FUS: variants seen among roughly 807,000 people sequenced by gnomAD.
The protein encoded by FUS is FUS RNA binding protein.
In FUS, 5 loss-of-function variants were observed where a neutral mutation model predicts 82.7. The ratio of observed to expected loss-of-function variants is 0.06; its 90% confidence interval spans 0.03 to 0.13. FUS has a LOEUF of 0.13. Among genes scored for constraint, FUS ranks in the 10% least tolerant of loss-of-function variants. FUS has a pLI of 1.00. For synonymous variants in FUS, 281 were observed against 247.4 expected (o/e 1.14, Z -1.27); for missense variants, 512 against 707.8 (o/e 0.72, Z 3.14).
chr16:31,180,309 G>A (rs2058036721), intron 1 of FUS, 82 bp downstream of exon 1: 4 of 1,525,140 alleles, frequency 2.6e-6, no homozygotes, highest in African/African-American at 2.7e-5. Flanking sequence ...GTGGGACCGG[G>A]GCGGCGATCC....
At chr16:31,191,157 C>G (rs756954417) in intron 14 of FUS, 47 bp downstream of exon 14, 25 of 1,603,936 alleles carry the variant, frequency 1.6e-5, no homozygotes, top group Non-Finnish European at 2.0e-5. Flanking sequence ...TGAACAGAGG[C>G]CATAGGATAA....
downstream of FUS, chr16:31,193,451 C>G (rs1234156823): frequency 1.9e-6 from 1 of 527,734 alleles, no homozygotes; most frequent in South Asian, 1.5e-5. Context: ...GAGTAGTTCA[C>G]TGTTGGTGCT....
downstream of FUS, chr16:31,191,613 C>G (rs375615976): frequency 8.2e-5 from 62 of 757,130 alleles, no homozygotes; most frequent in African/African-American, 7.4e-4. Context: ...AAATTTTGTT[C>G]CTCTTCCCCC....
chr16:31,190,489 T>C, intron 12 of FUS, 91 bp downstream of exon 12: 1 of 1,582,912 alleles, frequency 6.3e-7, no homozygotes, highest in Non-Finnish European at 8.7e-7. Context: ...TCCAAAGAAG[T>C]AAATGTCAAG....
At chr16:31,182,216 C>G (rs1397461419) in intron 1 of FUS, 182 bp from the exon 2 acceptor site, 2 of 701,244 alleles carry the variant, frequency 2.9e-6, no homozygotes, top group Admixed American at 2.2e-5. Context: ...GTCTCGAATT[C>G]CTGACCTCAA....
intron 5 of FUS, 152 bp from the exon 6 acceptor site, chr16:31,184,787 C>T (rs2079237719): frequency 3.7e-6 from 3 of 818,508 alleles, no homozygotes; most frequent in East Asian, 2.5e-5. Context: ...CCTGTTTTAG[C>T]TTAAAAGAGG....
chr16:31,193,306 CAA>C (rs1007473417), downstream of FUS: 9 of 515,994 alleles, frequency 1.7e-5, no homozygotes, highest in Admixed American at 9.0e-5. Context: ...GTATTAAAAA[CAA>C]AGGATCGTCA....
intron 14 of FUS, 133 bp from the exon 15 acceptor site, chr16:31,191,266 G>A (rs754165316): frequency 1.7e-5 from 25 of 1,458,290 alleles, no homozygotes; most frequent in South Asian, 2.3e-5. Context: ...AACTCAGGGG[G>A]AGTGAATCTG....
intron 1 of FUS, among the ~76,000 whole-genome samples, chr16:31,181,665 CTG>C (rs1411867401): frequency 6.6e-6 from 1 of 152,198 alleles, no homozygotes; most frequent in Non-Finnish European, 1.5e-5. Flanking sequence ...AATCTGAACA[CTG>C]TTCGAATTCA....
chr16:31,184,187 G>A, intron 4 of FUS, 22 bp from the exon 5 acceptor site: 1 of 1,614,160 alleles, frequency 6.2e-7, no homozygotes, highest in Non-Finnish European at 8.5e-7. Flanking sequence ...TTGTGATTGT[G>A]TTTTTTGTTT....
At chr16:31,192,972 A>T (rs1257144574), downstream of FUS, 1 of 482,168 alleles carries the variant, frequency 2.1e-6, no homozygotes, top group African/African-American at 2.0e-5. Context: ...CTATGACTTT[A>T]TTTTTTGAGA....
intron 5 of FUS, 45 bp from the exon 6 acceptor site, chr16:31,184,894 A>C: frequency 6.3e-7 from 1 of 1,587,060 alleles, no homozygotes; most frequent in Non-Finnish European, 8.6e-7. Context: ...GCTACTTTAC[A>C]ATCTTTTTGT....
chr16:31,191,721 G>C (rs1251455837), downstream of FUS: 1 of 662,788 alleles, frequency 1.5e-6, no homozygotes, highest in South Asian at 1.5e-5. Context: ...ACAGTGTTCG[G>C]GGAGAAGGCC....
In FUS at chr16:31,184,438, CTTTTTTTTTTTT is replaced by C. The variant is rs370126678; in HGVS notation, c.523+48_523+59del. 3 of 1,212,428 alleles carry C rather than the reference CTTTTTTTTTTTT, an allele frequency of 2.5e-6. No homozygotes were observed. In the Admixed American group the frequency reaches 7.4e-5, roughly 30 times the overall value. 75.1% of individuals were successfully genotyped at this position (1,212,428 alleles called of 1,614,324 possible). A position where few individuals can be genotyped will look rare whatever the true frequency, so the allele number is the denominator to read the frequency against. On this transcript the variant is annotated intron_variant, in intron 5 of 14. Transcript: ENST00000254108. ...TTTGTCTGCAGCCCATTTTCTTTTT[CTTTTTTTTTTTT>C]TTTTTGAGACGGAGTCTTGCTCTGT...
downstream of FUS, chr16:31,194,186 G>C (rs1206262972): frequency 5.7e-6 from 3 of 530,282 alleles, no homozygotes; most frequent in African/African-American, 5.6e-5. Context: ...AGTTATGTCA[G>C]TGGTGGGTAG....
intron 11 of FUS, 45 bp from the exon 12 acceptor site, chr16:31,190,230 A>G: frequency 6.2e-7 from 1 of 1,614,058 alleles, no homozygotes; most frequent in Non-Finnish European, 8.5e-7. Context: ...TAGATTTACC[A>G]AACTTGGAGA....
intron 1 of FUS, 118 bp from the exon 2 acceptor site, chr16:31,182,280 C>A (rs1596889225): frequency 3.3e-6 from 4 of 1,217,926 alleles, no homozygotes; most frequent in East Asian, 4.7e-5. Context: ...CATGATCCAC[C>A]GTGCCTGGCC....
chr16:31,190,701 T>C, intron 12 of FUS, 41 bp from the exon 13 acceptor site: 1 of 1,562,594 alleles, frequency 6.4e-7, no homozygotes, highest in Non-Finnish European at 8.8e-7. Flanking sequence ...GTCTTGCCTA[T>C]TCCCCATCGC....
chr16:31,184,028 G>T, intron 4 of FUS, 26 bp downstream of exon 4: 1 of 1,613,552 alleles, frequency 6.2e-7, no homozygotes. Flanking sequence ...TGTCGGGGAA[G>T]GCTTGAAAAG....
Sources: gnomAD v4.1 joint callset for allele counts (sites outside exome capture counted in the v4.1 genomes callset) on GRCh38, gnomAD v4.1.1 for gene constraint, MANE v1.5 for transcripts, NCBI Gene and HGNC (gene_info 2026-07-23, HGNC 2026-07-21) for gene names.